Variants in PTN observed in about 807,000 individuals in gnomAD.
PTN encodes pleiotrophin.
In PTN, 18 loss-of-function variants were observed where a neutral mutation model predicts 24.1. The observed-to-expected ratio is 0.75, with a 90% CI of 0.52 to 1.11. The LOEUF is 1.11. Ranked by LOEUF, PTN falls within the 50% of genes least tolerant of loss-of-function variation. PTN has a pLI of 0.00. For missense variants in PTN, 163 were observed against 198.8 expected (o/e 0.82, Z 1.08); for synonymous variants, 78 against 68.6 (o/e 1.14, Z -0.67).
intron 1 of PTN, among the ~76,000 whole-genome samples, chr7:137,317,688 T>G (rs1295184686): frequency 6.6e-6 from 1 of 152,230 alleles, no homozygotes; most frequent in East Asian, 1.9e-4. Flanking sequence ...ATCCTGTACT[T>G]AAATGATAAT....
At chr7:137,278,086 T>A (rs1181016255) in intron 1 of PTN, among the ~76,000 whole-genome samples, 4 of 151,452 alleles carry the variant, frequency 2.6e-5, no homozygotes, top group African/African-American at 4.9e-5. Context: ...GGCGGGTGGA[T>A]CACGAGGTCA....
At chr7:137,278,009 T>A (rs1014828561) in intron 1 of PTN, among the ~76,000 whole-genome samples, 1 of 152,106 alleles carries the variant, frequency 6.6e-6, no homozygotes, top group Non-Finnish European at 1.5e-5. Context: ...AATTCATTTT[T>A]TAAAAAATGA....
intron 1 of PTN, among the ~76,000 whole-genome samples, chr7:137,313,729 G>A (rs1810021175): frequency 6.6e-6 from 1 of 152,154 alleles, no homozygotes; most frequent in Non-Finnish European, 1.5e-5. Context: ...TAACTAATCT[G>A]AAAATCATGA....
chr7:137,291,174 A>G (rs189756722), intron 1 of PTN, among the ~76,000 whole-genome samples: 2 of 152,230 alleles, frequency 1.3e-5, no homozygotes, highest in African/African-American at 4.8e-5. Context: ...AAAAAAGTAC[A>G]TAAGTGTACA....
At position 137,255,080 on chromosome 7, in the gene PTN, T is replaced by G. The variant is rs936873453; in HGVS notation, c.-1-106A>C. On this transcript the variant is annotated intron_variant, in intron 1 of 4. Coordinates refer to ENST00000348225, the MANE Select transcript of PTN (RefSeq NM_002825.7). Reference sequence around the variant, plus strand: ...GCTCCACTTTCCATTTCTGGAATGTTAGATTTCAGGAAGATTCATATCAAT... The same window carrying G: ...GCTCCACTTTCCATTTCTGGAATGTGAGATTTCAGGAAGATTCATATCAAT... 6 of 685,264 alleles carry G rather than the reference T, an allele frequency of 8.8e-6. No individual in the cohort carries two copies. The African/African-American group carries it at 1.1e-4, about 12-fold the overall frequency. 42.4% of individuals were successfully genotyped at this position (685,264 alleles called of 1,614,324 possible).
chr7:137,334,138 A>G (rs1810406375), intron 1 of PTN, among the ~76,000 whole-genome samples: 1 of 151,820 alleles, frequency 6.6e-6, no homozygotes, highest in African/African-American at 2.4e-5. Flanking sequence ...ATGGGCAAGG[A>G]CTTCATGTCT....
chr7:137,252,196 G>A (rs926049430), intron 3 of PTN, among the ~76,000 whole-genome samples: 11 of 151,804 alleles, frequency 7.2e-5, no homozygotes, highest in South Asian at 2.1e-4. Context: ...CTAGCATTTC[G>A]TCTTGTCACT....
intron 1 of PTN, among the ~76,000 whole-genome samples, chr7:137,301,015 A>C (rs1289579539): frequency 6.7e-6 from 1 of 148,892 alleles, no homozygotes; most frequent in Non-Finnish European, 1.5e-5. Flanking sequence ...ACAGCCTCTT[A>C]AAGGATAGTT....
chr7:137,309,106 C>T (rs533094553), intron 1 of PTN, among the ~76,000 whole-genome samples: 2 of 152,084 alleles, frequency 1.3e-5, no homozygotes, highest in Non-Finnish European at 2.9e-5. Flanking sequence ...TACGGCCATA[C>T]CTTGGAGATA....
intron 4 of PTN, among the ~76,000 whole-genome samples, chr7:137,228,970 G>C (rs1808382402): frequency 6.6e-6 from 1 of 151,838 alleles, no homozygotes; most frequent in African/African-American, 2.4e-5. Flanking sequence ...TCTGGAGTCA[G>C]ACTGCTGAAG....
intron 1 of PTN, among the ~76,000 whole-genome samples, chr7:137,334,536 G>T (rs1169853077): frequency 4.7e-5 from 5 of 106,702 alleles, no homozygotes; most frequent in Non-Finnish European, 4.0e-5. Context: ...TAAAAAGTCA[G>T]GAAACAACAG....
chr7:137,297,957 C>T (rs1450481334), intron 1 of PTN, among the ~76,000 whole-genome samples: 2 of 151,946 alleles, frequency 1.3e-5, no homozygotes, highest in East Asian at 1.9e-4. Flanking sequence ...CACTCACTAA[C>T]CCTGTCACAA....
intron 1 of PTN, among the ~76,000 whole-genome samples, chr7:137,337,725 T>C (rs1810472146): frequency 6.6e-6 from 1 of 151,600 alleles, no homozygotes; most frequent in Admixed American, 6.6e-5. Flanking sequence ...ATGAAGGGAG[T>C]GAAGGAAAGA....
chr7:137,285,463 C>T (rs1013384031), intron 1 of PTN, among the ~76,000 whole-genome samples: 7 of 152,038 alleles, frequency 4.6e-5, no homozygotes, highest in African/African-American at 1.7e-4. Flanking sequence ...ATCAGGAGTT[C>T]GAGACCAGCC....
At chr7:137,299,409 T>C (rs574400755) in intron 1 of PTN, among the ~76,000 whole-genome samples, 12 of 152,048 alleles carry the variant, frequency 7.9e-5, no homozygotes, top group African/African-American at 2.9e-4. Context: ...ATGGGGAAAC[T>C]GAGTTTTAGA....
intron 1 of PTN, among the ~76,000 whole-genome samples, chr7:137,336,863 T>TACTA (rs1585050441): frequency 6.6e-6 from 1 of 152,212 alleles, no homozygotes; most frequent in South Asian, 2.1e-4. Flanking sequence ...TTTTCTCAAT[T>TACTA]ACTACTCAGA....
intron 1 of PTN, among the ~76,000 whole-genome samples, chr7:137,334,171 CA>C (rs1394328382): frequency 4.7e-5 from 7 of 150,514 alleles, no homozygotes; most frequent in African/African-American, 1.7e-4. Flanking sequence ...GCAATGGCAA[CA>C]AAAGACAAAA....
At chr7:137,273,628 G>A (rs1270941375) in intron 1 of PTN, among the ~76,000 whole-genome samples, 1 of 152,186 alleles carries the variant, frequency 6.6e-6, no homozygotes, top group African/African-American at 2.4e-5. Flanking sequence ...AGTGACAAAT[G>A]TGTAGAGTCT....
At chr7:137,325,667 T>C (rs139670473) in intron 1 of PTN, 6 of 152,346 alleles carry the variant, frequency 3.9e-5, no homozygotes, top group African/African-American at 1.4e-4. Flanking sequence ...CACCCTAGGG[T>C]TGAGTTTCAT....
Sources: gnomAD v4.1 joint callset for allele counts (sites outside exome capture counted in the v4.1 genomes callset) on GRCh38, gnomAD v4.1.1 for gene constraint, MANE v1.5 for transcripts, NCBI Gene and HGNC (gene_info 2026-07-23, HGNC 2026-07-21) for gene names.